The following AGBL1 variants were observed in gnomAD, a reference collection of about 807,000 sequenced individuals.
The protein encoded by AGBL1 is AGBL carboxypeptidase 1.
A neutral mutation model predicts 118.9 loss-of-function variants in AGBL1; 130 were observed. That is an observed-to-expected ratio of 1.09 (90% CI 0.95 to 1.26). The LOEUF is 1.26. AGBL1 is among the 50% of genes most tolerant of loss of function. The probability of loss-of-function intolerance (pLI) is 0.00; values close to 1 mark genes in which losing one functional copy is unlikely to be tolerated. For synonymous variants in AGBL1, 555 were observed against 478.9 expected, an observed-to-expected ratio of 1.16 and a Z score of -2.08; for missense variants, 1,584 against 1,298.1, an observed-to-expected ratio of 1.22 and a Z score of -3.38.
intron 22 of AGBL1, among the ~76,000 whole-genome samples, chr15:86,799,625 C>T (rs149785476): frequency 2.0e-5 from 3 of 152,138 alleles, no homozygotes; most frequent in East Asian, 3.9e-4. Context: ...TAAGGATTCC[C>T]GCATCTCCAG....
chr15:86,190,036 G>C (rs2077694495), intron 5 of AGBL1, among the ~76,000 whole-genome samples: 1 of 152,156 alleles, frequency 6.6e-6, no homozygotes, highest in African/African-American at 2.4e-5. Flanking sequence ...TATCATTAGA[G>C]AAGTAAACAG....
chr15:86,498,179 G>A (rs893321340), intron 18 of AGBL1, among the ~76,000 whole-genome samples: 27 of 151,736 alleles, frequency 1.8e-4, no homozygotes, highest in Admixed American at 1.6e-3. Context: ...AATTATAAAT[G>A]GCTGTCTGCT....
At chr15:87,028,631 T>C (rs2081757607) in intron 24 of AGBL1, among the ~76,000 whole-genome samples, 1 of 151,954 alleles carries the variant, frequency 6.6e-6, no homozygotes, top group Admixed American at 6.6e-5. Flanking sequence ...TGCCCTCACA[T>C]TCTCACATTC....
intron 19 of AGBL1, among the ~76,000 whole-genome samples, chr15:86,525,671 A>T (rs77282380): frequency 0.03 from 4,538 of 152,252 alleles, 98 homozygotes; most frequent in East Asian, 0.071. Flanking sequence ...ATGTAGAAGA[A>T]TGAACCTGGA....
In AGBL1 at chr15:86,729,599, G is replaced by C. The variant is rs1301403065; in HGVS notation, c.3158+55163G>C. 5.3e-5 allele frequency among the ~76,000 whole-genome samples: 8 copies of C among 152,148 alleles called. No individual in the cohort carries two copies. The East Asian group carries it at 1.3e-3, about 26-fold the overall frequency. ...CAGCTGTATCCATATTGCTGCAGTGGACATGACTTTGTTCTTTTTTATGGC... is the reference window on the plus strand; with the variant it reads ...CAGCTGTATCCATATTGCTGCAGTGCACATGACTTTGTTCTTTTTTATGGC... On this transcript the variant is annotated intron_variant, in intron 22 of 22. Coordinates refer to ENST00000614907, the MANE Select transcript of AGBL1 (RefSeq NM_001386094.1).
chr15:86,846,720 C>T (rs555731288), intron 22 of AGBL1, among the ~76,000 whole-genome samples: 27 of 152,166 alleles, frequency 1.8e-4, no homozygotes, highest in South Asian at 1.2e-3. Flanking sequence ...TTAGTAGAGA[C>T]GAGGTTTCAC....
At chr15:86,974,716 A>G (rs1384701988) in intron 23 of AGBL1, among the ~76,000 whole-genome samples, 2 of 151,194 alleles carry the variant, frequency 1.3e-5, no homozygotes, top group Non-Finnish European at 1.5e-5. Flanking sequence ...CAGAGAGGAC[A>G]TGAGCAATAC....
At position 86,733,907 on chromosome 15, in the gene AGBL1, T is replaced by A. The variant is rs562889400; in HGVS notation, c.3158+59471T>A. Among the ~76,000 whole-genome samples, 5 of 152,212 alleles carry A rather than the reference T, an allele frequency of 3.3e-5. No individual in the cohort carries two copies. In the East Asian group the frequency reaches 9.7e-4, roughly 30 times the overall value. On this transcript the variant is annotated intron_variant, in intron 22 of 22. Coordinates refer to ENST00000614907, the MANE Select transcript of AGBL1 (RefSeq NM_001386094.1). ...CCAGAACACTCTGCCTTCATACACT[T>A]ACTGCTGATGAGACTACACAGTCCT...
intron 18 of AGBL1, among the ~76,000 whole-genome samples, chr15:86,504,430 G>A (rs1478565516): frequency 1.3e-5 from 2 of 151,022 alleles, no homozygotes; most frequent in African/African-American, 4.9e-5. Flanking sequence ...TTTTAAAAAA[G>A]GTTTTATGTA....
chr15:86,857,664 A>G (rs1177361066), intron 22 of AGBL1, among the ~76,000 whole-genome samples: 4 of 152,166 alleles, frequency 2.6e-5, no homozygotes, highest in Non-Finnish European at 5.9e-5. Context: ...CTGTTTTTAT[A>G]TACTCATGTG....
intron 19 of AGBL1, among the ~76,000 whole-genome samples, chr15:86,534,018 C>T (rs1242382109): frequency 2.6e-5 from 3 of 115,722 alleles, no homozygotes; most frequent in African/African-American, 7.1e-5. Flanking sequence ...TGCTAGATAA[C>T]GAGTTAGTGG....
In AGBL1 at chr15:86,575,872, C is replaced by A. The variant is rs117372734; in HGVS notation, c.2994+21335C>A. ...TTGGCCTCTCAAATTGCTTGGATTA[C>A]GTCTTGAGCCACCATGATGGGCCTT... On this transcript the variant is annotated intron_variant, in intron 21 of 22. Transcript: ENST00000614907. Among the ~76,000 whole-genome samples the A allele has an allele frequency of 2.6e-4, 39 of 152,304 alleles. No homozygotes were observed. The East Asian group carries it at 6.2e-3, about 24-fold the overall frequency.
At chr15:86,987,655 G>A (rs770502572) in intron 23 of AGBL1, among the ~76,000 whole-genome samples, 1 of 151,890 alleles carries the variant, frequency 6.6e-6, no homozygotes, top group Non-Finnish European at 1.5e-5. Context: ...TTATCAAAAG[G>A]TTTCTCCGCA....
At chr15:86,328,331 A>G (rs2080217752) in intron 17 of AGBL1, among the ~76,000 whole-genome samples, 2 of 152,228 alleles carry the variant, frequency 1.3e-5, no homozygotes, top group African/African-American at 4.8e-5. Context: ...AACGATACAG[A>G]AAGTATGGTA....
intron 5 of AGBL1, among the ~76,000 whole-genome samples, chr15:86,208,507 G>C (rs952160143): frequency 3.3e-5 from 5 of 152,124 alleles, no homozygotes; most frequent in Non-Finnish European, 4.4e-5. Context: ...GCCTGTTATT[G>C]GTCTATTCAG....
intron 22 of AGBL1, among the ~76,000 whole-genome samples, chr15:86,822,283 T>G (rs2078952329): frequency 6.6e-6 from 1 of 152,154 alleles, no homozygotes; most frequent in Non-Finnish European, 1.5e-5. Context: ...ATGACATACC[T>G]CTATTATCCC....
At chr15:86,361,089 A>G (rs752781891) in intron 17 of AGBL1, among the ~76,000 whole-genome samples, 4 of 151,918 alleles carry the variant, frequency 2.6e-5, no homozygotes, top group African/African-American at 4.8e-5. Context: ...TATAATGTAG[A>G]CATTTATAGC....
intron 17 of AGBL1, among the ~76,000 whole-genome samples, chr15:86,346,282 C>G (rs940537091): frequency 2.0e-5 from 3 of 151,634 alleles, no homozygotes; most frequent in African/African-American, 7.3e-5. Context: ...GTGCCCAGCC[C>G]ATAGCTCCTC....
intron 22 of AGBL1, among the ~76,000 whole-genome samples, chr15:86,815,720 G>A (rs1034345994): frequency 2.4e-4 from 35 of 144,206 alleles, no homozygotes; most frequent in African/African-American, 8.5e-4. Context: ...TATATTTAGA[G>A]AGAAGCAAAA....
Sources: allele counts gnomAD v4.1 joint callset (sites outside exome capture counted in the v4.1 genomes callset), GRCh38; gene constraint gnomAD v4.1.1; transcripts MANE v1.5; gene names NCBI Gene and HGNC (gene_info 2026-07-23, HGNC 2026-07-21).